ACTL6B: variants seen among roughly 807,000 people sequenced by gnomAD.
ACTL6B encodes actin like 6B.
In ACTL6B, 48 loss-of-function variants were observed where a neutral mutation model predicts 63.3. That is an observed-to-expected ratio of 0.76 (90% confidence interval 0.60 to 0.96). The LOEUF (loss-of-function observed/expected upper bound fraction) is 0.96, where lower values mean the gene tolerates loss of function less well. Ranked by LOEUF, ACTL6B falls within the 50% of genes least tolerant of loss-of-function variation. ACTL6B has a pLI of 0.00. For synonymous variants in ACTL6B, 230 were observed against 223.8 expected (o/e 1.03, Z -0.25); for missense variants, 350 against 572.2 (o/e 0.61, Z 3.96).
chr7:100,653,129 CTGA>C (rs1019136528), intron 4 of ACTL6B, among the ~76,000 whole-genome samples: 7 of 149,314 alleles, frequency 4.7e-5, no homozygotes, highest in African/African-American at 1.5e-4. Flanking sequence ...TGTCTCAGGC[CTGA>C]TTAGCATACA....
chr7:100,643,234 G>A lies in ACTL6B; in HGVS notation c.*12C>T. 2 of 1,613,840 alleles carry A rather than the reference G, an allele frequency of 1.2e-6. No individual in the cohort carries two copies. Among genetic ancestry groups the A allele is most frequent in the South Asian group, 1.1e-5 (1 of 91,076 alleles). On this transcript the variant is annotated 3_prime_UTR_variant, in exon 14 of 14. Transcript: ENST00000160382. ...TCTGAGCTTGGGAGCAGGTGTGTGG[G>A]GAGGAGTGCCATCAGGGGCACTTTC... is the stretch of plus-strand genomic sequence containing the variant.
Position 100,647,777 on chromosome 7 carries a change from C to CA in ACTL6B, c.670-245dup. ...GAGAACACCAGGAATACAGCAGTGA[C>CA]AGAACCTCAAGGGAATGGCCTCCTA... On this transcript the variant is annotated intron_variant, in intron 7 of 13. Coordinates refer to ENST00000160382, the MANE Select transcript of ACTL6B (RefSeq NM_016188.5). This position sits in a 1 kb window ranked among gnomAD's most constrained non-coding sequence, Gnocchi z 4.4. 2.0e-6 allele frequency: 1 copy of CA among 493,446 alleles called. No individual in the cohort carries two copies. Among genetic ancestry groups the CA allele is most frequent in the East Asian group, 3.1e-5 (1 of 31,788 alleles). 30.6% of individuals were successfully genotyped at this position (493,446 alleles called of 1,614,324 possible).
intron 13 of ACTL6B, among the ~76,000 whole-genome samples, chr7:100,644,435 G>A (rs758239378): frequency 6.6e-5 from 10 of 152,026 alleles, no homozygotes; most frequent in Non-Finnish European, 1.3e-4. Context: ...CGTGCTCTAA[G>A]TGGAAAATAC....
chr7:100,650,130 G>A lies in ACTL6B; in HGVS notation c.375C>T (p.Asn125=). The A allele has an allele frequency of 6.2e-7, 1 of 1,613,762 alleles. No individual in the cohort carries two copies. Residue 125 remains asparagine, a synonymous_variant, in exon 5 of 14, where the codon AAC becomes AAT. Transcript: ENST00000160382. The part of the protein sequence containing the change: ...HPVLMSEAPW[N]TRAKREKLTE... The stretch of plus-strand genomic sequence containing the variant: ...TCAGCTTCTCCCGCTTGGCCCGTGT[G>A]TTCCACTGTGGAGAAAGTGCAGAGG...
At position 100,646,911 on chromosome 7, in the gene ACTL6B, C is replaced by T. The variant is rs999221557; in HGVS notation, c.936+60G>A. 1.2e-4 allele frequency: 190 copies of T among 1,599,326 alleles called. No individual in the cohort carries two copies. The highest frequency in any genetic ancestry group is 2.7e-4 in the East Asian group (12 of 44,724). ...CTGCAATCCTTCCCAGCCTCCCCCA[C>T]GCCCCAGGATCCAGGGACTGCAGCC... On this transcript the variant is annotated intron_variant, in intron 10 of 13. Transcript: ENST00000160382. The surrounding 1 kb of genome is among the most constrained non-coding windows in gnomAD (Gnocchi z 6.1).
intron 4 of ACTL6B, among the ~76,000 whole-genome samples, chr7:100,654,346 T>G (rs1448030146): frequency 2.0e-5 from 3 of 151,076 alleles, no homozygotes; most frequent in African/African-American, 7.3e-5. Context: ...CTCAAACTCC[T>G]GGGCTCAAGT....
chr7:100,646,497 G>C lies in ACTL6B; in HGVS notation c.1113+54C>G. The C allele has an allele frequency of 6.3e-7, 1 of 1,591,884 alleles. No homozygotes were observed. The highest frequency in any genetic ancestry group is 8.6e-7 in the Non-Finnish European group (1 of 1,160,242). On this transcript the variant is annotated intron_variant, in intron 12 of 13. Coordinates refer to ENST00000160382, the MANE Select transcript of ACTL6B (RefSeq NM_016188.5). The surrounding 1 kb of genome is among the most constrained non-coding windows in gnomAD (Gnocchi z 6.1). ...GGAAGGATGAAGGGACTCAGTCCTG[G>C]ACAGCTGAGCCAGGACGGGTGTCCA...
At position 100,647,929 on chromosome 7, in the gene ACTL6B, G is replaced by A. The variant is rs1803854607; in HGVS notation, c.670-396C>T. Among the ~76,000 whole-genome samples the A allele has an allele frequency of 6.6e-6, 1 of 151,196 alleles. No homozygotes were observed. Among genetic ancestry groups the A allele is most frequent in the Admixed American group, 6.6e-5 (1 of 15,168 alleles). On this transcript the variant is annotated intron_variant, in intron 7 of 13. Transcript: ENST00000160382. This position sits in a 1 kb window ranked among gnomAD's most constrained non-coding sequence, Gnocchi z 4.4. Reference sequence around the variant, plus strand: ...ATAAGACAAACCTGAGGCCCAGGGAGCTTTGATATCATGCTGTTGGTCACA... The same window carrying A: ...ATAAGACAAACCTGAGGCCCAGGGAACTTTGATATCATGCTGTTGGTCACA...
At chr7:100,650,287 C>T (rs1803914676) in intron 4 of ACTL6B, 152 bp from the exon 5 acceptor site, 7 of 648,952 alleles carry the variant, frequency 1.1e-5, no homozygotes, top group Middle Eastern at 3.7e-4. Context: ...AACACTCACA[C>T]ATACACTCAC....
intron 4 of ACTL6B, among the ~76,000 whole-genome samples, chr7:100,651,380 G>A (rs897703284): frequency 6.6e-6 from 1 of 151,742 alleles, no homozygotes. Flanking sequence ...GTGAAACCCC[G>A]TCTCTACTAA....
Position 100,655,476 on chromosome 7 carries a change from G to A in ACTL6B, c.213C>T (p.Ala71=), listed in dbSNP as rs1804021761. The change falls in exon 3 of 14, where the codon GCC becomes GCT. Residue 71 remains alanine, a synonymous_variant. Coordinates refer to ENST00000160382, the MANE Select transcript of ACTL6B (RefSeq NM_016188.5). This position sits in a 1 kb window ranked among gnomAD's most constrained non-coding sequence, Gnocchi z 4.4. ...KGKIFHIDTN[A]LHVPRDGAEV... ...CCGCTCCATCCCGAGGCACGTGCAG[G>A]GCATTGGTGTCGATGTGGAAGATCT... 1.2e-6 allele frequency: 2 copies of A among 1,614,182 alleles called. No individual in the cohort carries two copies.
intron 5 of ACTL6B, among the ~76,000 whole-genome samples, chr7:100,649,551 GC>G (rs1256654981): frequency 6.6e-6 from 1 of 152,178 alleles, no homozygotes; most frequent in African/African-American, 2.4e-5. Flanking sequence ...GCCCGCCTTG[GC>G]CTCCCAAAAT....
At chr7:100,644,061 G>T (rs1196693956) in intron 13 of ACTL6B, among the ~76,000 whole-genome samples, 1 of 152,008 alleles carries the variant, frequency 6.6e-6, no homozygotes, top group African/African-American at 2.4e-5. Flanking sequence ...CAACACGCCC[G>T]GCTAATTTTT....
Position 100,655,953 on chromosome 7 carries a change from A to T in ACTL6B, c.26-74T>A. 1 of 1,448,104 alleles carries T rather than the reference A, an allele frequency of 6.9e-7. No individual in the cohort carries two copies. The highest frequency in any genetic ancestry group is 1.3e-5 in the South Asian group (1 of 77,794). The allele number at this position is 1,448,104 out of a possible 1,614,324, so 89.7% of individuals were successfully genotyped here. A position where few individuals can be genotyped will look rare whatever the true frequency, so the allele number is the denominator to read the frequency against. ...CGCTAGGTAGCTCCGAGAGAAAGTC[A>T]GGGCAGAGCCACAGTCTCGCCACTT... On this transcript the variant is annotated intron_variant, in intron 1 of 13. Transcript: ENST00000160382. The surrounding 1 kb of genome is among the most constrained non-coding windows in gnomAD (Gnocchi z 4.4).
In ACTL6B at chr7:100,647,095, A is replaced by G. The variant is rs776761202; in HGVS notation, c.822-10T>C. On this transcript the variant is annotated splice_polypyrimidine_tract_variant and intron_variant, in intron 9 of 13. Transcript: ENST00000160382. This position sits in a 1 kb window ranked among gnomAD's most constrained non-coding sequence, Gnocchi z 4.4. ...CATTTGTGCAGCCACCCTACCCAGAAGGGAGCAGGACTCTGCCTGGGGTGC... is the reference window on the plus strand; with the variant it reads ...CATTTGTGCAGCCACCCTACCCAGAGGGGAGCAGGACTCTGCCTGGGGTGC... The G allele has an allele frequency of 7.4e-6, 12 of 1,613,766 alleles. No homozygotes were observed. The highest frequency in any genetic ancestry group is 8.5e-6 in the Non-Finnish European group (10 of 1,179,740).
intron 5 of ACTL6B, among the ~76,000 whole-genome samples, chr7:100,649,347 C>T (rs536326967): frequency 2.7e-5 from 4 of 148,956 alleles, no homozygotes; most frequent in East Asian, 2.0e-4. Flanking sequence ...TTCGTTTTGT[C>T]GCCCAGGCTG....
In ACTL6B at chr7:100,647,106, C is replaced by A; in HGVS notation, c.822-21G>T. The A allele has an allele frequency of 1.2e-5, 19 of 1,613,426 alleles. No individual in the cohort carries two copies. The highest frequency in any genetic ancestry group is 1.6e-5 in the Non-Finnish European group (19 of 1,179,450). On this transcript the variant is annotated intron_variant, in intron 9 of 13. Coordinates refer to ENST00000160382, the MANE Select transcript of ACTL6B (RefSeq NM_016188.5). This position sits in a 1 kb window ranked among gnomAD's most constrained non-coding sequence, Gnocchi z 4.4. ...CCACCCTACCCAGAAGGGAGCAGGA[C>A]TCTGCCTGGGGTGCTCAAGAAGGAT... is the stretch of plus-strand genomic sequence containing the variant.
chr7:100,656,351 T>C lies in ACTL6B; in HGVS notation c.4A>G (p.Ser2Gly). M[S>G]GGVYGGDEVG... ...TCACCTCCGCCGTAGACGCCCCCGC[T>C]CATAGTGCCCGCTGCGCTGCTAGCG... is the stretch of plus-strand genomic sequence containing the variant. The change falls in exon 1 of 14, where the codon AGC (serine) becomes GGC (glycine). Residue 2 changes from serine (S) to glycine (G), a missense_variant. Transcript: ENST00000160382. The C allele has an allele frequency of 7.3e-7, 1 of 1,372,154 alleles. No individual in the cohort carries two copies. 85.0% of individuals were successfully genotyped at this position (1,372,154 alleles called of 1,614,324 possible). A position where few individuals can be genotyped will look rare whatever the true frequency, so the allele number is the denominator to read the frequency against.
At chr7:100,653,622 A>G (rs992009401) in intron 4 of ACTL6B, among the ~76,000 whole-genome samples, 1 of 152,166 alleles carries the variant, frequency 6.6e-6, no homozygotes, top group African/African-American at 2.4e-5. Context: ...AACCTGGGTG[A>G]CAAACTGAGC....
Sources: gnomAD v4.1 joint callset for allele counts (sites outside exome capture counted in the v4.1 genomes callset) on GRCh38, gnomAD v4.1.1 for gene constraint, Gnocchi (gnomAD v3.1) non-coding constraint, MANE v1.5 for transcripts, NCBI Gene and HGNC (gene_info 2026-07-23, HGNC 2026-07-21) for gene names.